FGD4: variants seen among roughly 807,000 people sequenced by gnomAD.
FGD4 encodes the protein FYVE, RhoGEF and PH domain containing 4.
In FGD4, 42 loss-of-function variants were observed where a neutral mutation model predicts 102.0. The ratio of observed to expected loss-of-function variants is 0.41; its 90% confidence interval spans 0.32 to 0.53. The LOEUF is 0.53. FGD4 is among the 20% of genes least tolerant of loss of function. FGD4 has a pLI of 0.21. For synonymous variants in FGD4, 380 were observed against 375.7 expected (o/e 1.01, Z -0.13); for missense variants, 902 against 1,078.2 (o/e 0.84, Z 2.29).
chr12:32,534,468 A>T, intron 1 of FGD4: 1 of 1,522,042 alleles, frequency 6.6e-7, no homozygotes, highest in South Asian at 1.2e-5. Flanking sequence ...ATTAATTATC[A>T]GTATATGTGA....
At position 32,449,831 on chromosome 12, in the gene FGD4, C is replaced by A. The variant is rs560727529; in HGVS notation, c.166+49872C>A. ...CACCTTACTTCCTGCCTTGACCTCC[C>A]GGGCTCAAGGGATCTTCTCACTTTA... On this transcript the variant is annotated intron_variant, in intron 1 of 16. Transcript: ENST00000534526. 2.6e-5 allele frequency among the ~76,000 whole-genome samples: 4 copies of A among 152,236 alleles called. No individual in the cohort carries two copies. In the South Asian group the frequency reaches 8.3e-4, roughly 32 times the overall value.
chr12:32,624,945 ATGTGTGC>A, intron 12 of FGD4, 24 bp from the exon 13 acceptor site: 1 of 1,565,422 alleles, frequency 6.4e-7, no homozygotes, highest in Non-Finnish European at 8.8e-7. Context: ...AGAAACTTTA[ATGTGTGC>A]TTTGAATTTT....
intron 1 of FGD4, among the ~76,000 whole-genome samples, chr12:32,528,262 G>A (rs914342223): frequency 6.6e-6 from 1 of 152,190 alleles, no homozygotes; most frequent in African/African-American, 2.4e-5. Flanking sequence ...TAACAGTACC[G>A]AGTTGTCACT....
chr12:32,527,228 T>TA (rs1941337211), intron 1 of FGD4, among the ~76,000 whole-genome samples: 1 of 152,194 alleles, frequency 6.6e-6, no homozygotes, highest in Non-Finnish European at 1.5e-5. Context: ...TGAATTATGA[T>TA]AGAGTTAAAC....
chr12:32,537,942 C>G (rs564989793), intron 1 of FGD4, among the ~76,000 whole-genome samples: 2 of 152,264 alleles, frequency 1.3e-5, no homozygotes, highest in Admixed American at 1.3e-4. Context: ...GTCATCCAGG[C>G]TGGAGTGCAG....
chr12:32,579,117 G>T (rs1158311727), intron 3 of FGD4, among the ~76,000 whole-genome samples: 1 of 129,626 alleles, frequency 7.7e-6, no homozygotes, highest in Non-Finnish European at 1.5e-5. Flanking sequence ...CACGATCTCA[G>T]CTCACCATGA....
intron 1 of FGD4, among the ~76,000 whole-genome samples, chr12:32,446,002 C>T (rs949803445): frequency 2.6e-5 from 4 of 152,042 alleles, no homozygotes; most frequent in Non-Finnish European, 5.9e-5. Context: ...CCCGTCTCTA[C>T]TAAAAATACA....
At chr12:32,619,575 TG>T in intron 10 of FGD4, 122 bp from the exon 11 acceptor site, 1 of 1,103,174 alleles carries the variant, frequency 9.1e-7, no homozygotes, top group South Asian at 1.4e-5. Flanking sequence ...GAGCTTACAA[TG>T]AGCCAAGGTC....
chr12:32,640,680 G>T lies in FGD4; in HGVS notation c.*147G>T. The T allele has an allele frequency of 9.1e-7, 1 of 1,094,338 alleles. No homozygotes were observed. Among genetic ancestry groups the T allele is most frequent in the Non-Finnish European group, 1.3e-6 (1 of 755,734 alleles). 67.8% of individuals were successfully genotyped at this position (1,094,338 alleles called of 1,614,324 possible). A position where few individuals can be genotyped will look rare whatever the true frequency, so the allele number is the denominator to read the frequency against. On this transcript the variant is annotated 3_prime_UTR_variant, in exon 17 of 17. Coordinates refer to ENST00000534526, the MANE Select transcript of FGD4 (RefSeq NM_001370298.3). ...TTGAGGACTATTTTCCTATGTTTATGTACTCTTAGTGAAATTAGTGTGCAG... is the reference window on the plus strand; with the variant it reads ...TTGAGGACTATTTTCCTATGTTTATTTACTCTTAGTGAAATTAGTGTGCAG...
At chr12:32,517,558 A>AT (rs1209760689) in intron 1 of FGD4, among the ~76,000 whole-genome samples, 8 of 152,174 alleles carry the variant, frequency 5.3e-5, no homozygotes, top group African/African-American at 1.9e-4. Context: ...AAACTACAGG[A>AT]TTAGGTAGTC....
chr12:32,466,587 G>A (rs966618007), intron 1 of FGD4, among the ~76,000 whole-genome samples: 1 of 151,988 alleles, frequency 6.6e-6, no homozygotes, highest in Non-Finnish European at 1.5e-5. Context: ...AGCAATCATG[G>A]CCGGGCGCGG....
chr12:32,592,125 C>A (rs1264568592), intron 4 of FGD4, among the ~76,000 whole-genome samples: 2 of 151,898 alleles, frequency 1.3e-5, no homozygotes, highest in Non-Finnish European at 2.9e-5. Flanking sequence ...CTCTTTCGCC[C>A]AGGCTGCGGT....
intron 4 of FGD4, among the ~76,000 whole-genome samples, chr12:32,584,590 C>T (rs1049275842): frequency 2.8e-5 from 4 of 143,668 alleles, no homozygotes; most frequent in Non-Finnish European, 5.9e-5. Context: ...ATGTTGTAAC[C>T]CCCCCCTCCC....
rs1484677182 is a variant in FGD4, at chr12:32,501,926, T to C, written c.167-62211T>C. 6 of 538,460 alleles carry C rather than the reference T, an allele frequency of 1.1e-5. No homozygotes were observed. In the East Asian group the frequency reaches 8.8e-4, roughly 79 times the overall value. The allele number at this position is 538,460 out of a possible 1,614,324, so 33.4% of individuals were successfully genotyped here. ...GAGTTTGTACCACCAAGGGTAAATT[T>C]GCTGGAAAGCTTTTAGTTGGGCTGC... is the stretch of plus-strand genomic sequence containing the variant. On this transcript the variant is annotated intron_variant, in intron 1 of 16. Coordinates refer to ENST00000534526, the MANE Select transcript of FGD4 (RefSeq NM_001370298.3).
chr12:32,561,233 CCCA>C (rs1187328390), intron 1 of FGD4, among the ~76,000 whole-genome samples: 1 of 151,440 alleles, frequency 6.6e-6, no homozygotes, highest in Non-Finnish European at 1.5e-5. Context: ...ATTACAGGCG[CCCA>C]CCACCACATC....
At position 32,480,742 on chromosome 12, in the gene FGD4, G is replaced by A. The variant is rs184695684; in HGVS notation, c.166+80783G>A. On this transcript the variant is annotated intron_variant, in intron 1 of 16. Coordinates refer to ENST00000534526, the MANE Select transcript of FGD4 (RefSeq NM_001370298.3). ...TCTTGCTCTCCTGACCTCGTGATCCGCCCTCCTTGGCCCCCCAAAGTGCTG... is the reference window on the plus strand; with the variant it reads ...TCTTGCTCTCCTGACCTCGTGATCCACCCTCCTTGGCCCCCCAAAGTGCTG... Among the ~76,000 whole-genome samples the A allele has an allele frequency of 6.5e-3, 981 of 149,862 alleles. 8 individuals are homozygous for A. Among genetic ancestry groups the A allele is most frequent in the African/African-American group, 0.023 (926 of 40,710 alleles).
rs745911641 is a variant in FGD4 at position 32,399,832 on chromosome 12, G to A, written c.39G>A (p.Ala13=). The A allele has an allele frequency of 6.5e-6, 10 of 1,531,434 alleles. No individual in the cohort carries two copies. The South Asian group carries it at 1.1e-4, about 16-fold the overall frequency. The allele number at this position is 1,531,434 out of a possible 1,614,324, so 94.9% of individuals were successfully genotyped here. A position where few individuals can be genotyped will look rare whatever the true frequency, so the allele number is the denominator to read the frequency against. ...GCGGCTCCAACTTCAGGCGGGTGGC[G>A]ATCCGGCGGAAGTCCAACCCCTCCT... ...DEGGSNFRRV[A]IRRKSNPSYL... The change falls in exon 1 of 17, where the codon GCG becomes GCA. Residue 13 remains alanine (A), a synonymous_variant. Transcript: ENST00000534526.
intron 3 of FGD4, chr12:32,579,470 C>G (rs1205424152): frequency 6.6e-6 from 1 of 152,292 alleles, no homozygotes; most frequent in Non-Finnish European, 1.5e-5. Context: ...TCCTTACCCA[C>G]GTTATCCTTC....
chr12:32,448,246 T>C (rs1452022667), intron 1 of FGD4, among the ~76,000 whole-genome samples: 1 of 152,092 alleles, frequency 6.6e-6, no homozygotes, highest in Non-Finnish European at 1.5e-5. Flanking sequence ...CAGTGCAATA[T>C]GGTGTTAGAG....
Sources: gnomAD v4.1 joint callset for allele counts (sites outside exome capture counted in the v4.1 genomes callset) on GRCh38, gnomAD v4.1.1 for gene constraint, MANE v1.5 for transcripts, NCBI Gene and HGNC (gene_info 2026-07-23, HGNC 2026-07-21) for gene names.